Variants in CSMD1 observed in about 807,000 individuals in gnomAD.
CSMD1 encodes CUB and Sushi multiple domains 1.
In CSMD1, 213 loss-of-function variants were observed where a neutral mutation model predicts 417.5. That is an observed-to-expected ratio of 0.51 (90% CI 0.46 to 0.57). The LOEUF (loss-of-function observed/expected upper bound fraction) is 0.57. CSMD1 is among the 20% of genes least tolerant of loss of function. CSMD1 has a pLI of 0.00. For synonymous variants in CSMD1, 2,862 were observed against 1,736.8 expected (o/e 1.65, Z -16.11); for missense variants, 6,923 against 4,529.7 (o/e 1.53, Z -15.17).
At chr8:4,220,488 C>T (rs776142744) in intron 3 of CSMD1, among the ~76,000 whole-genome samples, 13 of 152,144 alleles carry the variant, frequency 8.5e-5, no homozygotes, top group Admixed American at 2.0e-4. Context: ...TAAAACATCA[C>T]TTTGTGTAAG....
chr8:3,759,350 T>C (rs554864964), intron 5 of CSMD1, among the ~76,000 whole-genome samples: 2 of 152,210 alleles, frequency 1.3e-5, no homozygotes, highest in Non-Finnish European at 2.9e-5. Context: ...TGTGACACAA[T>C]TCTTATCTAT....
chr8:4,779,322 A>C (rs1797031319), intron 1 of CSMD1, among the ~76,000 whole-genome samples: 1 of 152,198 alleles, frequency 6.6e-6, no homozygotes, highest in Non-Finnish European at 1.5e-5. Context: ...ATTTTTAAAA[A>C]ATCAAGGGAA....
chr8:4,154,229 G>C (rs983052464), intron 3 of CSMD1, among the ~76,000 whole-genome samples: 1 of 152,038 alleles, frequency 6.6e-6, no homozygotes, highest in Non-Finnish European at 1.5e-5. Flanking sequence ...GTTAGTGTAA[G>C]CATACAATGA....
At chr8:4,123,474 C>T (rs1480049240) in intron 3 of CSMD1, among the ~76,000 whole-genome samples, 1 of 152,150 alleles carries the variant, frequency 6.6e-6, no homozygotes, top group Non-Finnish European at 1.5e-5. Context: ...GTGGGTAAAT[C>T]AGTGCAGTTG....
At chr8:3,965,050 T>C (rs112325333) in intron 5 of CSMD1, among the ~76,000 whole-genome samples, 43 of 152,336 alleles carry the variant, frequency 2.8e-4, no homozygotes, top group African/African-American at 9.1e-4. Flanking sequence ...CTTGTAAATA[T>C]TGAGATAAAA....
chr8:4,065,609 G>C (rs183116354), intron 3 of CSMD1, among the ~76,000 whole-genome samples: 3 of 152,190 alleles, frequency 2.0e-5, no homozygotes, highest in South Asian at 4.1e-4. Flanking sequence ...ATGTAAAGGA[G>C]ACTCATGAAT....
rs76418243 is a variant in CSMD1 at position 4,863,760 on chromosome 8, A to G, written c.85+130572T>C. ...ACAATGTAACTTGTGCTTTTGATAA[A>G]TGTGTTGATTTGTATATTTTCTTTA... On this transcript the variant is annotated intron_variant, in intron 1 of 69. Transcript: ENST00000635120. Among the ~76,000 whole-genome samples the G allele has an allele frequency of 1.2e-3, 184 of 152,200 alleles. 3 individuals carry two copies. Among genetic ancestry groups the G allele is most frequent in the African/African-American group, 4.2e-3 (173 of 41,506 alleles).
chr8:4,252,012 G>C (rs547066208), intron 3 of CSMD1, among the ~76,000 whole-genome samples: 1 of 152,076 alleles, frequency 6.6e-6, no homozygotes, highest in East Asian at 1.9e-4. Flanking sequence ...GAGAACTTAC[G>C]TATTTTTGAG....
chr8:3,395,080 G>A lies in CSMD1; in HGVS notation c.2593+1114C>T, dbSNP rs138777437. On this transcript the variant is annotated intron_variant, in intron 17 of 69. Transcript: ENST00000635120. ...AGGGAGAGGGTAACAAGAGTAATAG[G>A]AGGTGATGTGGGGAATGGAAGGCAA... 1.1e-4 allele frequency among the ~76,000 whole-genome samples: 17 copies of A among 152,266 alleles called. No individual in the cohort carries two copies. In the East Asian group the frequency reaches 2.7e-3, roughly 24 times the overall value.
At chr8:4,838,407 T>G (rs1800628409) in intron 1 of CSMD1, among the ~76,000 whole-genome samples, 1 of 152,186 alleles carries the variant, frequency 6.6e-6, no homozygotes, top group Non-Finnish European at 1.5e-5. Flanking sequence ...AACCTGATAT[T>G]TGTTCTATGG....
intron 3 of CSMD1, among the ~76,000 whole-genome samples, chr8:4,315,970 T>C (rs1051051765): frequency 2.0e-5 from 3 of 152,170 alleles, no homozygotes; most frequent in East Asian, 1.9e-4. Context: ...ACGGGAAATT[T>C]TGTGAATGTC....
chr8:4,606,406 T>A (rs1800870473), intron 2 of CSMD1, among the ~76,000 whole-genome samples: 1 of 152,132 alleles, frequency 6.6e-6, no homozygotes, highest in East Asian at 1.9e-4. Context: ...TTCTTGCTTG[T>A]TCCTGGCTCC....
chr8:4,503,211 G>C (rs544936532), intron 2 of CSMD1, among the ~76,000 whole-genome samples: 2 of 152,202 alleles, frequency 1.3e-5, no homozygotes, highest in African/African-American at 4.8e-5. Context: ...CTCTTGTACT[G>C]TAAAAGTCTA....
At chr8:4,007,815 A>G (rs1005131147) in intron 4 of CSMD1, among the ~76,000 whole-genome samples, 11 of 152,144 alleles carry the variant, frequency 7.2e-5, no homozygotes, top group Non-Finnish European at 8.8e-5. Flanking sequence ...GGGGCTATGC[A>G]CGGAATCAAA....
intron 26 of CSMD1, among the ~76,000 whole-genome samples, chr8:3,243,947 C>G (rs1460796864): frequency 6.6e-6 from 1 of 152,058 alleles, no homozygotes; most frequent in African/African-American, 2.4e-5. Context: ...TATTTGTTGA[C>G]CGAGGTATTA....
intron 3 of CSMD1, among the ~76,000 whole-genome samples, chr8:4,202,063 A>C (rs1285218990): frequency 6.6e-6 from 1 of 151,626 alleles, no homozygotes; most frequent in Non-Finnish European, 1.5e-5. Flanking sequence ...GTTGGCTCTT[A>C]ATGCTTGCCT....
At chr8:4,446,943 A>G (rs1252199836) in intron 2 of CSMD1, among the ~76,000 whole-genome samples, 5 of 151,732 alleles carry the variant, frequency 3.3e-5, no homozygotes. Flanking sequence ...ATTTAAAAAA[A>G]AAAAAAACAT....
At position 3,795,794 on chromosome 8, in the gene CSMD1, T is replaced by C. The variant is rs1489535982; in HGVS notation, c.819-41752A>G. ...GATACCTATCATGTACAGATATAGA[T>C]ATATACCTATCATGTACAGATATAG... On this transcript the variant is annotated intron_variant, in intron 5 of 69. Transcript: ENST00000635120. Among the ~76,000 whole-genome samples the C allele has an allele frequency of 4.1e-5, 2 of 49,094 alleles. 1 individual carries two copies. The highest frequency in any genetic ancestry group is 7.9e-5 in the Non-Finnish European group (2 of 25,436). The allele number at this position is 49,094 out of a possible 152,430, so 32.2% of individuals were successfully genotyped here.
chr8:4,494,572 T>C (rs1801885878), intron 2 of CSMD1, among the ~76,000 whole-genome samples: 2 of 152,300 alleles, frequency 1.3e-5, no homozygotes, highest in African/African-American at 2.4e-5. Context: ...GGATTAAAAA[T>C]AATGCAAGTC....
Sources: allele counts gnomAD v4.1 joint callset (sites outside exome capture counted in the v4.1 genomes callset), GRCh38; gene constraint gnomAD v4.1.1; transcripts MANE v1.5; gene names NCBI Gene and HGNC (gene_info 2026-07-23, HGNC 2026-07-21).